The following KCNIP4 variants were observed in gnomAD, a reference collection of about 807,000 sequenced individuals.
KCNIP4 encodes the protein Kv channel-interacting protein 4.
KCNIP4 carries 12 observed loss-of-function variants against 34.0 expected under a neutral mutation model. The observed-to-expected ratio is 0.35, with a 90% CI of 0.23 to 0.57. The LOEUF (loss-of-function observed/expected upper bound fraction) is 0.57. KCNIP4 is among the 20% of genes least tolerant of loss of function. KCNIP4 has a pLI of 0.83. For missense variants in KCNIP4, 238 were observed against 311.7 expected (o/e 0.76, Z 1.78); for synonymous variants, 124 against 102.2 (o/e 1.21, Z -1.29).
chr4:20,968,091 A>C (rs1195597059), intron 1 of KCNIP4, among the ~76,000 whole-genome samples: 1 of 152,192 alleles, frequency 6.6e-6, no homozygotes, highest in Non-Finnish European at 1.5e-5. Context: ...CAAGAAAAAA[A>C]CAACCCCATC....
At position 21,519,508 on chromosome 4, in the gene KCNIP4, G is replaced by GTA. The variant is rs1387641836; in HGVS notation, c.61+429061_61+429062dup. 1.1e-3 allele frequency among the ~76,000 whole-genome samples: 60 copies of GTA among 56,824 alleles called. 4 individuals are homozygous for GTA. Among genetic ancestry groups the GTA allele is most frequent in the African/African-American group, 3.0e-3 (35 of 11,632 alleles). 37.3% of individuals were successfully genotyped at this position (56,824 alleles called of 152,430 possible). ...TACACATATGTGTGTATGTGTATGT[G>GTA]TATATACACATATGTGTGTATGTGT... On this transcript the variant is annotated intron_variant, in intron 1 of 8. Coordinates refer to ENST00000382152, the MANE Select transcript of KCNIP4 (RefSeq NM_025221.6).
chr4:21,355,293 A>T (rs748284910), intron 1 of KCNIP4, among the ~76,000 whole-genome samples: 2 of 152,184 alleles, frequency 1.3e-5, no homozygotes, highest in Non-Finnish European at 2.9e-5. Context: ...GCAAGAAATA[A>T]CTAAGATGAG....
At chr4:21,394,760 T>A (rs1722845344) in intron 1 of KCNIP4, among the ~76,000 whole-genome samples, 1 of 152,316 alleles carries the variant, frequency 6.6e-6, no homozygotes, top group South Asian at 2.1e-4. Context: ...CTACCCACAA[T>A]GTGCTTCCTA....
intron 1 of KCNIP4, among the ~76,000 whole-genome samples, chr4:21,563,952 G>A (rs181132711): frequency 3.3e-5 from 5 of 152,130 alleles, no homozygotes; most frequent in Admixed American, 1.3e-4. Flanking sequence ...TTGTTTAAAA[G>A]GAGTAGAAGA....
At chr4:21,177,610 A>AC (rs1297486615) in intron 1 of KCNIP4, among the ~76,000 whole-genome samples, 1 of 152,016 alleles carries the variant, frequency 6.6e-6, no homozygotes, top group Non-Finnish European at 1.5e-5. Flanking sequence ...CAGGCAGGTT[A>AC]CCTGAGGTCA....
chr4:21,457,169 A>G lies in KCNIP4; in HGVS notation c.61+491402T>C, dbSNP rs549743083. 3.9e-5 allele frequency among the ~76,000 whole-genome samples: 6 copies of G among 152,100 alleles called. No individual in the cohort carries two copies. The South Asian group carries it at 1.0e-3, about 26-fold the overall frequency. On this transcript the variant is annotated intron_variant, in intron 1 of 8. Transcript: ENST00000382152. ...AGTCTAGATTTCTTCCTTTGCTACC[A>G]TCTTCATTTCCCACCAAATAAATCA...
At position 21,281,315 on chromosome 4, in the gene KCNIP4, T is replaced by C. The variant is rs546310203; in HGVS notation, c.62-398606A>G. Among the ~76,000 whole-genome samples the C allele has an allele frequency of 3.3e-5, 5 of 152,232 alleles. No homozygotes were observed. In the East Asian group the frequency reaches 7.7e-4, roughly 24 times the overall value. On this transcript the variant is annotated intron_variant, in intron 1 of 8. Transcript: ENST00000382152. ...ATTAGCCAGGTTGGCCTTGAACTCCTGACCTCAGGTGATCCACCCACCTCA... is the reference window on the plus strand; with the variant it reads ...ATTAGCCAGGTTGGCCTTGAACTCCCGACCTCAGGTGATCCACCCACCTCA...
chr4:21,249,554 A>G (rs1238088393), intron 1 of KCNIP4, among the ~76,000 whole-genome samples: 2 of 152,148 alleles, frequency 1.3e-5, no homozygotes, highest in African/African-American at 4.8e-5. Context: ...GAATAAATGA[A>G]ATAATGTATA....
At chr4:20,850,511 T>G (rs1362589065) in intron 3 of KCNIP4, 32 bp downstream of exon 3, 1 of 1,606,398 alleles carries the variant, frequency 6.2e-7, no homozygotes. Context: ...CTGGGAATTG[T>G]GTGAAGGTAA....
At chr4:20,903,753 A>G (rs1727418658) in intron 1 of KCNIP4, among the ~76,000 whole-genome samples, 1 of 152,164 alleles carries the variant, frequency 6.6e-6, no homozygotes, top group African/African-American at 2.4e-5. Flanking sequence ...GTCACGGGCC[A>G]TGGTCACTCA....
chr4:20,774,275 G>A (rs1286401386), intron 3 of KCNIP4, among the ~76,000 whole-genome samples: 1 of 151,958 alleles, frequency 6.6e-6, no homozygotes, highest in African/African-American at 2.4e-5. Flanking sequence ...AATACCATCT[G>A]CTTATTTAAT....
chr4:20,995,068 T>C (rs1737425885), intron 1 of KCNIP4, among the ~76,000 whole-genome samples: 1 of 152,222 alleles, frequency 6.6e-6, no homozygotes, highest in Non-Finnish European at 1.5e-5. Flanking sequence ...TACCTATATT[T>C]ACACTTTTCC....
chr4:21,278,056 GA>G (rs1762543539), intron 1 of KCNIP4, among the ~76,000 whole-genome samples: 1 of 152,100 alleles, frequency 6.6e-6, no homozygotes, highest in African/African-American at 2.4e-5. Context: ...TGTGTGATGA[GA>G]TTTTTTTTTA....
chr4:21,409,756 A>T (rs1023444751), intron 1 of KCNIP4, among the ~76,000 whole-genome samples: 1 of 152,222 alleles, frequency 6.6e-6, no homozygotes, highest in Non-Finnish European at 1.5e-5. Flanking sequence ...AGGTAAAAAT[A>T]AATGTATGTG....
chr4:21,896,026 C>T lies in KCNIP4; in HGVS notation c.61+52545G>A, dbSNP rs192571101. Among the ~76,000 whole-genome samples the T allele has an allele frequency of 1.6e-3, 244 of 152,276 alleles. 1 individual carries two copies. The highest frequency in any genetic ancestry group is 2.5e-3 in the Admixed American group (38 of 15,284). On this transcript the variant is annotated intron_variant, in intron 1 of 8. Coordinates refer to ENST00000382152, the MANE Select transcript of KCNIP4 (RefSeq NM_025221.6). The stretch of plus-strand genomic sequence containing the variant: ...TGTACTGATGAGGCTTTGCCAACTC[C>T]ATCACTAACCCAGGGTTTCAGATAT...
chr4:20,926,716 C>T (rs1176116829), intron 1 of KCNIP4, among the ~76,000 whole-genome samples: 1 of 152,158 alleles, frequency 6.6e-6, no homozygotes, highest in Non-Finnish European at 1.5e-5. Flanking sequence ...GAGCTTTTTA[C>T]AGCTGAGTTT....
chr4:21,054,895 A>G (rs1188149621), intron 1 of KCNIP4, among the ~76,000 whole-genome samples: 2 of 152,196 alleles, frequency 1.3e-5, no homozygotes, highest in Non-Finnish European at 2.9e-5. Context: ...GGCATGATCT[A>G]TGTTGGAAAT....
chr4:21,024,020 G>C (rs935199551), intron 1 of KCNIP4, among the ~76,000 whole-genome samples: 14 of 152,194 alleles, frequency 9.2e-5, no homozygotes, highest in African/African-American at 3.4e-4. Context: ...GGTGAGAAGG[G>C]AAACGGCTTT....
At chr4:21,190,656 C>T (rs552500553) in intron 1 of KCNIP4, among the ~76,000 whole-genome samples, 1 of 152,136 alleles carries the variant, frequency 6.6e-6, no homozygotes, top group Admixed American at 6.5e-5. Context: ...ACATTCTAAA[C>T]CCCAATGGCT....
Sources: allele counts gnomAD v4.1 joint callset (sites outside exome capture counted in the v4.1 genomes callset), GRCh38; gene constraint gnomAD v4.1.1; transcripts MANE v1.5; gene names NCBI Gene and HGNC (gene_info 2026-07-23, HGNC 2026-07-21).